The following CDK14 variants were observed in gnomAD, a reference collection of about 807,000 sequenced individuals.
CDK14 encodes the protein cyclin-dependent kinase 14.
A neutral mutation model predicts 60.7 loss-of-function variants in CDK14; 34 were observed. The observed-to-expected ratio is 0.56, with a 90% CI of 0.43 to 0.75. CDK14 has a LOEUF of 0.75. Among genes scored for constraint, CDK14 ranks in the 30% least tolerant of loss-of-function variants. The pLI is 0.00. For missense variants in CDK14, 482 were observed against 564.1 expected (o/e 0.85, Z 1.47); for synonymous variants, 197 against 203.7 (o/e 0.97, Z 0.28).
intron 10 of CDK14, among the ~76,000 whole-genome samples, chr7:91,009,162 T>C (rs956985820): frequency 6.6e-6 from 1 of 152,188 alleles, no homozygotes; most frequent in Non-Finnish European, 1.5e-5. Context: ...AGCATAACTA[T>C]TTTGAGATCC....
chr7:91,032,121 A>AG (rs1218517959), intron 10 of CDK14, among the ~76,000 whole-genome samples: 1 of 152,198 alleles, frequency 6.6e-6, no homozygotes, highest in Non-Finnish European at 1.5e-5. Context: ...CAGGGCACCT[A>AG]GGCAGGGTCC....
intron 2 of CDK14, among the ~76,000 whole-genome samples, chr7:90,613,077 C>T (rs1799576925): frequency 6.6e-6 from 1 of 152,002 alleles, no homozygotes; most frequent in Non-Finnish European, 1.5e-5. Flanking sequence ...TCATATTTAC[C>T]ATCTCCCTAA....
chr7:90,868,555 G>A (rs1379680548), intron 6 of CDK14, among the ~76,000 whole-genome samples: 1 of 151,840 alleles, frequency 6.6e-6, no homozygotes, highest in Non-Finnish European at 1.5e-5. Flanking sequence ...TGTTCCTATT[G>A]TGCTATAAAC....
intron 14 of CDK14, among the ~76,000 whole-genome samples, chr7:91,156,563 C>T (rs1306959556): frequency 6.6e-6 from 1 of 152,122 alleles, no homozygotes; most frequent in African/African-American, 2.4e-5. Flanking sequence ...AACTGAAAAT[C>T]AGCCGCAGAG....
intron 10 of CDK14, among the ~76,000 whole-genome samples, chr7:91,008,141 AAAAACAAAC>A (rs1171763855): frequency 2.9e-4 from 43 of 146,634 alleles, no homozygotes; most frequent in Admixed American, 9.5e-4. Flanking sequence ...AAAAAAAAAA[AAAAACAAAC>A]AAAAAAAAAC....
chr7:90,620,007 A>G (rs1039076701), intron 2 of CDK14, among the ~76,000 whole-genome samples: 2 of 152,230 alleles, frequency 1.3e-5, no homozygotes, highest in African/African-American at 4.8e-5. Context: ...AACAACAACA[A>G]AAACAAATAC....
rs1584822474 is a variant in CDK14, at chr7:90,722,670, A to G, written c.124-3897A>G. ...AAGGCGGCCCTCTTCTGTCTTAATG[A>G]TAGAATACTTTAGAGATGTTGGTTT... On this transcript the variant is annotated intron_variant, in intron 2 of 14. Transcript: ENST00000380050. 2.0e-5 allele frequency among the ~76,000 whole-genome samples: 3 copies of G among 151,958 alleles called. No homozygotes were observed. The East Asian group carries it at 5.8e-4, about 29-fold the overall frequency.
intron 14 of CDK14, among the ~76,000 whole-genome samples, chr7:91,205,017 T>A (rs1335711700): frequency 6.6e-6 from 1 of 151,874 alleles, no homozygotes; most frequent in African/African-American, 2.4e-5. Flanking sequence ...TCATACCCAC[T>A]AGGATGGCTA....
chr7:90,954,943 GA>G (rs140152578), intron 8 of CDK14, among the ~76,000 whole-genome samples: 16 of 123,718 alleles, frequency 1.3e-4, no homozygotes, highest in African/African-American at 4.2e-4. Context: ...TTTTTAGAGG[GA>G]AAAAAAAACA....
chr7:91,119,571 C>G (rs1799718652), intron 14 of CDK14, among the ~76,000 whole-genome samples: 1 of 152,194 alleles, frequency 6.6e-6, no homozygotes, highest in Non-Finnish European at 1.5e-5. Context: ...TCCTCCCTCT[C>G]TTAGTTTGAA....
At chr7:90,891,851 T>G (rs2117320664) in intron 6 of CDK14, among the ~76,000 whole-genome samples, 1 of 152,348 alleles carries the variant, frequency 6.6e-6, no homozygotes, top group South Asian at 2.1e-4. Flanking sequence ...TTTATTTGGA[T>G]TTTTGCTTGA....
intron 1 of CDK14, among the ~76,000 whole-genome samples, chr7:90,602,807 A>G (rs1799343487): frequency 6.6e-6 from 1 of 152,254 alleles, no homozygotes; most frequent in African/African-American, 2.4e-5. Flanking sequence ...TTAGTTTATT[A>G]GGCAAAAGGG....
chr7:90,987,117 T>G lies in CDK14; in HGVS notation c.1041+2876T>G, dbSNP rs146639450. On this transcript the variant is annotated intron_variant, in intron 10 of 14. Coordinates refer to ENST00000380050, the MANE Select transcript of CDK14 (RefSeq NM_001287135.2). Reference sequence around the variant, plus strand: ...CAAAGCTTTCATTTGAAATCTTTGTTTAACAGAAGTAATTTCTGTTGGGTA... The same window carrying G: ...CAAAGCTTTCATTTGAAATCTTTGTGTAACAGAAGTAATTTCTGTTGGGTA... Among the ~76,000 whole-genome samples the G allele has an allele frequency of 6.6e-5, 10 of 152,124 alleles. No individual in the cohort carries two copies. In the East Asian group the frequency reaches 1.9e-3, roughly 29 times the overall value.
At chr7:90,791,155 A>G (rs1805814135) in intron 5 of CDK14, among the ~76,000 whole-genome samples, 1 of 152,002 alleles carries the variant, frequency 6.6e-6, no homozygotes, top group Non-Finnish European at 1.5e-5. Flanking sequence ...ATGTTGTGAT[A>G]TTTTCCTCTA....
intron 5 of CDK14, among the ~76,000 whole-genome samples, chr7:90,791,132 A>T (rs1267123950): frequency 6.6e-6 from 1 of 152,048 alleles, no homozygotes; most frequent in African/African-American, 2.4e-5. Flanking sequence ...TTCTTTATAT[A>T]TTAGGGTCAT....
chr7:90,630,412 G>A lies in CDK14; in HGVS notation c.123+26163G>A, dbSNP rs78326107. Among the ~76,000 whole-genome samples the A allele has an allele frequency of 6.8e-3, 1,034 of 152,240 alleles. 16 individuals carry two copies. Among genetic ancestry groups the A allele is most frequent in the African/African-American group, 0.024 (993 of 41,548 alleles). On this transcript the variant is annotated intron_variant, in intron 2 of 14. Coordinates refer to ENST00000380050, the MANE Select transcript of CDK14 (RefSeq NM_001287135.2). ...ACTTGTGTATCTAAACATAGGAAAG[G>A]TATAGTTAAAATATGATAATATAAT...
chr7:90,603,373 T>A (rs1355195256), intron 1 of CDK14, among the ~76,000 whole-genome samples: 1 of 152,206 alleles, frequency 6.6e-6, no homozygotes, highest in Non-Finnish European at 1.5e-5. Context: ...TGTACATTTT[T>A]CTATGTTTAG....
rs939145898 is a variant in CDK14 at position 90,642,760 on chromosome 7, A to AT, written c.123+38521dup. 5.9e-3 allele frequency among the ~76,000 whole-genome samples: 883 copies of AT among 148,516 alleles called. 6 individuals carry two copies. Among genetic ancestry groups the AT allele is most frequent in the African/African-American group, 0.018 (739 of 40,664 alleles). On this transcript the variant is annotated intron_variant, in intron 2 of 14. Transcript: ENST00000380050. ...GGTTGAACCAATTTTTCTCATTTAC[A>AT]TTTTTTTTTTACTGTTAACTATATA...
chr7:90,704,691 A>G (rs1321296631), intron 2 of CDK14, among the ~76,000 whole-genome samples: 1 of 152,184 alleles, frequency 6.6e-6, no homozygotes, highest in Non-Finnish European at 1.5e-5. Context: ...GTTGTATAAT[A>G]TTAGGAGGAA....
Sources: gnomAD v4.1 joint callset for allele counts (sites outside exome capture counted in the v4.1 genomes callset) on GRCh38, gnomAD v4.1.1 for gene constraint, MANE v1.5 for transcripts, NCBI Gene and HGNC (gene_info 2026-07-23, HGNC 2026-07-21) for gene names.